Variants in NTRK3 observed in about 807,000 individuals in gnomAD.
The protein encoded by NTRK3 is NT-3 growth factor receptor.
In NTRK3, 24 loss-of-function variants were observed where a neutral mutation model predicts 91.7. The ratio of observed to expected loss-of-function variants is 0.26; its 90% CI spans 0.19 to 0.37. The LOEUF is 0.37. Among genes scored for constraint, NTRK3 ranks in the 10% least tolerant of loss-of-function variants. The probability of loss-of-function intolerance (pLI) is 1.00; values close to 1 mark genes in which losing one functional copy is unlikely to be tolerated. For synonymous variants in NTRK3, 483 were observed against 404.0 expected (o/e 1.20, Z -2.34); for missense variants, 880 against 1,068.9 (o/e 0.82, Z 2.46).
At chr15:88,046,939 C>A (rs986043824) in intron 13 of NTRK3, among the ~76,000 whole-genome samples, 1 of 152,210 alleles carries the variant, frequency 6.6e-6, no homozygotes, top group Non-Finnish European at 1.5e-5. Context: ...GTTCTGTGAT[C>A]TCTTCCCTTG....
chr15:88,109,649 C>T (rs554039877), intron 13 of NTRK3, among the ~76,000 whole-genome samples: 2 of 152,188 alleles, frequency 1.3e-5, no homozygotes, highest in Admixed American at 6.5e-5. Context: ...GGGCGGGGGG[C>T]GTTGGGAAAG....
intron 3 of NTRK3, among the ~76,000 whole-genome samples, chr15:88,227,214 G>A (rs1415298588): frequency 2.6e-5 from 4 of 152,008 alleles, no homozygotes; most frequent in Non-Finnish European, 4.4e-5. Context: ...CCCATCCACT[G>A]GCTCTTCCTT....
At chr15:88,238,683 A>G (rs1425095687) in intron 3 of NTRK3, among the ~76,000 whole-genome samples, 1 of 152,230 alleles carries the variant, frequency 6.6e-6, no homozygotes, top group African/African-American at 2.4e-5. Context: ...CACCAGCATT[A>G]TGTTTTCAAA....
At chr15:87,908,484 C>T in intron 17 of NTRK3, 1 of 399,912 alleles carries the variant, frequency 2.5e-6, no homozygotes, top group Non-Finnish European at 4.4e-6. Context: ...CAAATCCAGA[C>T]TCACTGTGGA....
intron 6 of NTRK3, chr15:88,144,229 C>T (rs2042662610): frequency 6.6e-6 from 1 of 152,174 alleles, no homozygotes; most frequent in African/African-American, 2.4e-5. Context: ...TCAAATTTTT[C>T]CAACCTGTGC....
At chr15:88,213,793 G>A (rs750206503) in intron 3 of NTRK3, among the ~76,000 whole-genome samples, 3 of 152,250 alleles carry the variant, frequency 2.0e-5, no homozygotes, top group East Asian at 1.9e-4. Flanking sequence ...GATTTGAAAC[G>A]AGGCGGCCAA....
At chr15:88,174,790 T>C (rs1275907700) in intron 5 of NTRK3, among the ~76,000 whole-genome samples, 1 of 152,158 alleles carries the variant, frequency 6.6e-6, no homozygotes, top group African/African-American at 2.4e-5. Flanking sequence ...TTCCCGCCCA[T>C]CTCGGGTCAG....
intron 17 of NTRK3, among the ~76,000 whole-genome samples, chr15:87,891,207 CT>C (rs966117077): frequency 6.6e-6 from 1 of 152,142 alleles, no homozygotes; most frequent in Non-Finnish European, 1.5e-5. Flanking sequence ...CTTTGCAGCT[CT>C]TTCTGTCCTT....
intron 6 of NTRK3, among the ~76,000 whole-genome samples, chr15:88,142,941 G>A (rs767679618): frequency 1.3e-5 from 2 of 152,200 alleles, no homozygotes; most frequent in Middle Eastern, 3.4e-3. Flanking sequence ...AATACTAGGC[G>A]CAGTGGCTCA....
intron 13 of NTRK3, among the ~76,000 whole-genome samples, chr15:88,062,937 T>C (rs927855725): frequency 1.3e-5 from 2 of 152,354 alleles, no homozygotes; most frequent in South Asian, 4.1e-4. Flanking sequence ...GAACTTCTGA[T>C]TATCTTGTTT....
intron 17 of NTRK3, among the ~76,000 whole-genome samples, chr15:87,909,524 T>G (rs1210079636): frequency 6.6e-6 from 1 of 152,094 alleles, no homozygotes; most frequent in Non-Finnish European, 1.5e-5. Context: ...AAATGGGGAT[T>G]GCTGAGTGCT....
intron 6 of NTRK3, among the ~76,000 whole-genome samples, chr15:88,146,755 C>G (rs1567524941): frequency 6.6e-6 from 1 of 152,074 alleles, no homozygotes; most frequent in Non-Finnish European, 1.5e-5. Flanking sequence ...CATGCCAGTA[C>G]TCAAGTCAAA....
chr15:88,184,269 C>G (rs758172793), exon 4 of NTRK3: 1 of 1,607,392 alleles, frequency 6.2e-7, no homozygotes, highest in Non-Finnish European at 8.5e-7. Context: ...CGGCGTTGAG[C>G]GTGTGAAGAC....
intron 3 of NTRK3, among the ~76,000 whole-genome samples, chr15:88,246,028 A>G (rs1019672046): frequency 7.2e-5 from 11 of 152,244 alleles, no homozygotes; most frequent in Non-Finnish European, 2.9e-5. Context: ...GCCCCAGGTC[A>G]GGAAGCTGGG....
intron 3 of NTRK3, among the ~76,000 whole-genome samples, chr15:88,199,635 A>G (rs59758974): frequency 6.6e-6 from 1 of 152,106 alleles, no homozygotes; most frequent in Admixed American, 6.5e-5. Flanking sequence ...TTCTAGGGAG[A>G]CTGGTGGAGC....
Position 88,205,180 on chromosome 15 carries a change from C to A in NTRK3, c.249-20881G>T, listed in dbSNP as rs570189292. Among the ~76,000 whole-genome samples the A allele has an allele frequency of 4.6e-5, 7 of 152,212 alleles. No homozygotes were observed. The South Asian group carries it at 1.0e-3, about 23-fold the overall frequency. On this transcript the variant is annotated intron_variant, in intron 3 of 18. Transcript: ENST00000394480. The stretch of plus-strand genomic sequence containing the variant: ...TGTGGTTCTGTATATGGTGGGAAGA[C>A]GAGGGATCTGGATTCAGGGTTTAAA...
chr15:88,166,351 G>A (rs2151471001), intron 5 of NTRK3, among the ~76,000 whole-genome samples: 1 of 152,314 alleles, frequency 6.6e-6, no homozygotes, highest in East Asian at 1.9e-4. Flanking sequence ...CAGAGCGCAG[G>A]CCACCTGTCC....
At chr15:88,187,908 T>A (rs2151646839) in intron 3 of NTRK3, among the ~76,000 whole-genome samples, 1 of 149,278 alleles carries the variant, frequency 6.7e-6, no homozygotes, top group East Asian at 2.0e-4. Flanking sequence ...CACTCCAGTG[T>A]GGACAACACA....
At chr15:87,869,102 A>C (rs991878457) in exon 19 of NTRK3, 2 of 228,786 alleles carry the variant, frequency 8.7e-6, no homozygotes, top group African/African-American at 4.4e-5. Context: ...CTTAATTTGC[A>C]GTTCCCTCAG....
Sources: gnomAD v4.1 joint callset for allele counts (sites outside exome capture counted in the v4.1 genomes callset) on GRCh38, gnomAD v4.1.1 for gene constraint, MANE v1.5 for transcripts, NCBI Gene and HGNC (gene_info 2026-07-23, HGNC 2026-07-21) for gene names.